MYO1B: variants seen among roughly 807,000 people sequenced by gnomAD.
The protein encoded by MYO1B is unconventional myosin-Ib.
In MYO1B, 72 loss-of-function variants were observed where a neutral mutation model predicts 159.7. The observed-to-expected ratio is 0.45, with a 90% CI of 0.37 to 0.55. The LOEUF is 0.55. Among genes scored for constraint, MYO1B ranks in the 20% least tolerant of loss-of-function variants. The pLI is 0.00. For synonymous variants in MYO1B, 468 were observed against 473.8 expected, an observed-to-expected ratio of 0.99 and a Z score of 0.16; for missense variants, 1,062 against 1,364.8, an observed-to-expected ratio of 0.78 and a Z score of 3.50.
At chr2:191,410,303 A>G (rs1174586149) in intron 26 of MYO1B, among the ~76,000 whole-genome samples, 1 of 152,154 alleles carries the variant, frequency 6.6e-6, no homozygotes, top group African/African-American at 2.4e-5. Flanking sequence ...TTCCATGGAA[A>G]GGGTCAGCAG....
At chr2:191,398,392 C>G (rs1406619305) in intron 21 of MYO1B, among the ~76,000 whole-genome samples, 42 of 101,426 alleles carry the variant, frequency 4.1e-4, no homozygotes, top group Middle Eastern at 5.0e-3. Flanking sequence ...CCTCACCTCC[C>G]GGACGGGGCG....
intron 24 of MYO1B, among the ~76,000 whole-genome samples, chr2:191,407,504 T>C (rs1009271236): frequency 6.6e-6 from 1 of 152,202 alleles, no homozygotes; most frequent in Non-Finnish European, 1.5e-5. Flanking sequence ...AATATAACAA[T>C]GTAGCAAGGA....
chr2:191,313,837 G>A (rs1690180804), intron 3 of MYO1B, among the ~76,000 whole-genome samples: 1 of 152,170 alleles, frequency 6.6e-6, no homozygotes, highest in Admixed American at 6.5e-5. Context: ...TTTTAAGATT[G>A]CTGTGGAAGG....
At chr2:191,383,932 C>A (rs1456321838) in intron 15 of MYO1B, among the ~76,000 whole-genome samples, 1 of 152,152 alleles carries the variant, frequency 6.6e-6, no homozygotes. Context: ...ACCTCTGGAG[C>A]TGAATTAAGT....
chr2:191,381,625 C>T, intron 14 of MYO1B, 59 bp downstream of exon 14: 6 of 1,239,200 alleles, frequency 4.8e-6, no homozygotes, highest in South Asian at 1.3e-5. Context: ...AATATAAATT[C>T]TAATTCAGAA....
intron 4 of MYO1B, among the ~76,000 whole-genome samples, chr2:191,339,019 G>A (rs36010116): frequency 0.018 from 2,814 of 152,280 alleles, 26 homozygotes; most frequent in Non-Finnish European, 0.028. Context: ...CATAATATAT[G>A]TGAGAGTTCA....
At chr2:191,356,016 G>A (rs1326671421) in intron 7 of MYO1B, among the ~76,000 whole-genome samples, 3 of 152,068 alleles carry the variant, frequency 2.0e-5, no homozygotes, top group South Asian at 2.1e-4. Context: ...TGTATGGAAC[G>A]TGGTTTTACT....
At chr2:191,407,943 C>T (rs1051471190) in intron 24 of MYO1B, 172 bp from the exon 25 acceptor site, 42 of 423,336 alleles carry the variant, frequency 9.9e-5, no homozygotes, top group Non-Finnish European at 1.5e-4. Context: ...TAATTTCTTT[C>T]TCTCTGACTT....
chr2:191,340,742 T>C (rs1468772686), intron 4 of MYO1B, among the ~76,000 whole-genome samples: 1 of 152,002 alleles, frequency 6.6e-6, no homozygotes, highest in Non-Finnish European at 1.5e-5. Context: ...GTTTTTTTTT[T>C]TGAGACAGAG....
intron 24 of MYO1B, among the ~76,000 whole-genome samples, chr2:191,403,502 G>A (rs1696736780): frequency 1.3e-5 from 2 of 152,136 alleles, no homozygotes; most frequent in African/African-American, 4.8e-5. Context: ...GGGATAATTA[G>A]GCCCCTTTCT....
At chr2:191,368,092 G>A (rs1694125093) in intron 11 of MYO1B, among the ~76,000 whole-genome samples, 1 of 152,182 alleles carries the variant, frequency 6.6e-6, no homozygotes, top group Non-Finnish European at 1.5e-5. Flanking sequence ...TTTGGGATTA[G>A]CATGGAAATG....
At chr2:191,287,266 G>A (rs562024114) in intron 2 of MYO1B, among the ~76,000 whole-genome samples, 1 of 152,218 alleles carries the variant, frequency 6.6e-6, no homozygotes, top group African/African-American at 2.4e-5. Context: ...GGTGGCTCAC[G>A]CCTGCAATCC....
chr2:191,357,317 G>A (rs1225636069), intron 7 of MYO1B, among the ~76,000 whole-genome samples: 1 of 152,106 alleles, frequency 6.6e-6, no homozygotes, highest in African/African-American at 2.4e-5. Flanking sequence ...TTAATGAGTC[G>A]AGCTAGGAAA....
chr2:191,401,297 T>G (rs906071809), intron 23 of MYO1B, among the ~76,000 whole-genome samples: 4 of 152,224 alleles, frequency 2.6e-5, no homozygotes, highest in Non-Finnish European at 5.9e-5. Context: ...AATTTTTTTT[T>G]AGGCTCAGTG....
At chr2:191,274,911 C>G (rs984117335) in intron 1 of MYO1B, among the ~76,000 whole-genome samples, 14 of 151,894 alleles carry the variant, frequency 9.2e-5, no homozygotes, top group Admixed American at 9.2e-4. Context: ...TTCTTTCTTT[C>G]TTTTCTTTTT....
chr2:191,366,012 A>G (rs1052352162), intron 11 of MYO1B, among the ~76,000 whole-genome samples: 1 of 152,144 alleles, frequency 6.6e-6, no homozygotes, highest in Non-Finnish European at 1.5e-5. Flanking sequence ...AGGAATTTGC[A>G]TTTCTAATAA....
chr2:191,413,971 C>A, intron 27 of MYO1B, 77 bp from the exon 28 acceptor site: 2 of 1,448,078 alleles, frequency 1.4e-6, no homozygotes, highest in South Asian at 1.4e-5. Flanking sequence ...TCCTTAGAAT[C>A]AACTGACCTG....
chr2:191,323,817 C>A (rs997250694), intron 3 of MYO1B, among the ~76,000 whole-genome samples: 2 of 152,006 alleles, frequency 1.3e-5, no homozygotes, highest in Admixed American at 6.6e-5. Flanking sequence ...CAATCCTTTT[C>A]CGGTTATGTA....
At chr2:191,364,697 A>G (rs1158997833) in intron 11 of MYO1B, among the ~76,000 whole-genome samples, 1 of 152,214 alleles carries the variant, frequency 6.6e-6, no homozygotes, top group Non-Finnish European at 1.5e-5. Flanking sequence ...GCAGAGGGTC[A>G]GGGAAAAAGG....
Sources: allele counts gnomAD v4.1 joint callset (sites outside exome capture counted in the v4.1 genomes callset), GRCh38; gene constraint gnomAD v4.1.1; transcripts MANE v1.5; gene names NCBI Gene and HGNC (gene_info 2026-07-23, HGNC 2026-07-21).